TLL1: variants seen among roughly 807,000 people sequenced by gnomAD.
TLL1 encodes tolloid like 1, also known as tolloid-like protein 1.
In TLL1, 49 loss-of-function variants were observed where a neutral mutation model predicts 128.2. The observed-to-expected ratio is 0.38, with a 90% CI of 0.30 to 0.48. The LOEUF (loss-of-function observed/expected upper bound fraction) is 0.48. TLL1 is among the 20% of genes least tolerant of loss of function. TLL1 has a pLI of 0.96. For synonymous variants in TLL1, 454 were observed against 418.8 expected (o/e 1.08, Z -1.03); for missense variants, 1,123 against 1,242.0 (o/e 0.90, Z 1.44).
chr4:166,023,058 C>T (rs953806428), intron 8 of TLL1, among the ~76,000 whole-genome samples: 2 of 152,162 alleles, frequency 1.3e-5, no homozygotes, highest in African/African-American at 4.8e-5. Flanking sequence ...AGCTTTTGAG[C>T]TTTGCATGCG....
At chr4:166,021,378 T>TCTG (rs1738223785) in intron 8 of TLL1, among the ~76,000 whole-genome samples, 1 of 151,314 alleles carries the variant, frequency 6.6e-6, no homozygotes, top group African/African-American at 2.4e-5. Context: ...CCTTCCTCCC[T>TCTG]CTGCTTCCCT....
chr4:165,938,136 G>C (rs2110918135), intron 1 of TLL1, among the ~76,000 whole-genome samples: 1 of 152,084 alleles, frequency 6.6e-6, no homozygotes, highest in South Asian at 2.1e-4. Flanking sequence ...TTGAATTATA[G>C]TTTTAGTGTT....
At chr4:165,964,234 T>G (rs1171864820) in intron 1 of TLL1, among the ~76,000 whole-genome samples, 2 of 152,342 alleles carry the variant, frequency 1.3e-5, no homozygotes, top group Admixed American at 1.3e-4. Flanking sequence ...AATATCTTCA[T>G]CAGTTTTTCA....
In TLL1 at chr4:165,873,847, G is replaced by T. The variant is rs201468480; in HGVS notation, c.-58G>T. The T allele has an allele frequency of 2.5e-6, 4 of 1,602,636 alleles. No homozygotes were observed. Among genetic ancestry groups the T allele is most frequent in the Non-Finnish European group, 3.4e-6 (4 of 1,171,970 alleles). On this transcript the variant is annotated 5_prime_UTR_variant, in exon 1 of 21. Transcript: ENST00000061240. ...TGCCCCTAGCCCCGCACATCAGCGCGGACCGCGGCTGCCTAACCTCTGGGT... is the reference window on the plus strand; with the variant it reads ...TGCCCCTAGCCCCGCACATCAGCGCTGACCGCGGCTGCCTAACCTCTGGGT...
chr4:166,074,923 G>A lies in TLL1; in HGVS notation c.2234G>A (p.Cys745Tyr). 6.2e-7 allele frequency: 1 copy of A among 1,613,672 alleles called. No individual in the cohort carries two copies. Among genetic ancestry groups the A allele is most frequent in the Non-Finnish European group, 8.5e-7 (1 of 1,179,692 alleles). ...SKDNGGCQHE[C>Y]VNTMGSYMCQ... ...GATAATGGTGGATGTCAGCACGAAT[G>A]TGTCAACACGATGGGGAGCTACATG... The change falls in exon 17 of 21, where the codon TGT (cysteine) becomes TAT (tyrosine). Residue 745 changes from cysteine (C) to tyrosine (Y), a missense_variant. By Grantham distance (194) the Cys-to-Tyr change is radical (BLOSUM62 -2). Coordinates refer to ENST00000061240, the MANE Select transcript of TLL1 (RefSeq NM_012464.5).
intron 1 of TLL1, among the ~76,000 whole-genome samples, chr4:165,887,267 G>T (rs983629810): frequency 6.6e-6 from 1 of 151,880 alleles, no homozygotes; most frequent in Non-Finnish European, 1.5e-5. Flanking sequence ...TAATGAGAAA[G>T]TGGGAGGAGG....
chr4:165,912,435 C>T (rs1211255763), intron 1 of TLL1, among the ~76,000 whole-genome samples: 1 of 152,200 alleles, frequency 6.6e-6, no homozygotes, highest in Non-Finnish European at 1.5e-5. Flanking sequence ...GTTTCCTACT[C>T]AGTGTCCGTG....
intron 8 of TLL1, among the ~76,000 whole-genome samples, chr4:166,019,945 A>C (rs1738139737): frequency 6.6e-6 from 1 of 152,112 alleles, no homozygotes; most frequent in Non-Finnish European, 1.5e-5. Context: ...CTCAATACAG[A>C]AATAAGGTTA....
At chr4:166,030,705 C>A in intron 9 of TLL1, 2 of 1,153,376 alleles carry the variant, frequency 1.7e-6, no homozygotes, top group South Asian at 4.5e-5. Context: ...TGTGGATATC[C>A]AGTTTCTTCA....
At chr4:166,045,961 T>C (rs1739447112) in intron 12 of TLL1, among the ~76,000 whole-genome samples, 1 of 152,192 alleles carries the variant, frequency 6.6e-6, no homozygotes, top group Non-Finnish European at 1.5e-5. Flanking sequence ...TTTTAGTAAA[T>C]TGCACTTCCA....
chr4:165,954,076 T>C (rs922416527), intron 1 of TLL1, among the ~76,000 whole-genome samples: 3 of 152,176 alleles, frequency 2.0e-5, no homozygotes, highest in Non-Finnish European at 2.9e-5. Flanking sequence ...TTATTATGTC[T>C]TTTTTGAGAT....
chr4:165,914,886 T>A (rs1460932749), intron 1 of TLL1, among the ~76,000 whole-genome samples: 3 of 152,142 alleles, frequency 2.0e-5, no homozygotes, highest in African/African-American at 7.2e-5. Context: ...AAAAATATAA[T>A]CTAGAACAAA....
At position 166,066,771 on chromosome 4, in the gene TLL1, T is replaced by C. The variant is rs1002112512; in HGVS notation, c.2188+908T>C. 3.3e-5 allele frequency among the ~76,000 whole-genome samples: 5 copies of C among 151,782 alleles called. No individual in the cohort carries two copies. The Admixed American group carries it at 3.3e-4, about 10-fold the overall frequency. ...GTCATACAGAAAAGAGCCTCCAGAA[T>C]ACAATGGACCTCGGCTCCCGTGTTC... is the stretch of plus-strand genomic sequence containing the variant. On this transcript the variant is annotated intron_variant, in intron 16 of 20. Coordinates refer to ENST00000061240, the MANE Select transcript of TLL1 (RefSeq NM_012464.5).
At chr4:165,919,076 G>T (rs983745414) in intron 1 of TLL1, among the ~76,000 whole-genome samples, 2 of 152,050 alleles carry the variant, frequency 1.3e-5, no homozygotes, top group African/African-American at 4.8e-5. Flanking sequence ...CATATATTAG[G>T]TTTTTTGAAA....
intron 9 of TLL1, chr4:166,030,924 A>G (rs572128062): frequency 1.0e-6 from 1 of 981,568 alleles, no homozygotes; most frequent in Admixed American, 6.1e-5. Flanking sequence ...TTGGCTGCAC[A>G]TTTAACTTTG....
At chr4:165,999,232 T>C (rs1737034985) in intron 5 of TLL1, among the ~76,000 whole-genome samples, 1 of 152,134 alleles carries the variant, frequency 6.6e-6, no homozygotes, top group African/African-American at 2.4e-5. Context: ...AGTGCTCCAC[T>C]CCCAGTACTA....
chr4:165,935,832 C>G (rs1322732253), intron 1 of TLL1, among the ~76,000 whole-genome samples: 1 of 152,002 alleles, frequency 6.6e-6, no homozygotes, highest in African/African-American at 2.4e-5. Context: ...GTACTTGTAC[C>G]CTTTAACTAG....
At chr4:166,026,299 G>A (rs1738487290) in intron 9 of TLL1, among the ~76,000 whole-genome samples, 1 of 152,090 alleles carries the variant, frequency 6.6e-6, no homozygotes, top group Admixed American at 6.5e-5. Context: ...TGAGGCAGGA[G>A]AATCACTTGA....
chr4:166,027,700 A>G (rs1407284542), intron 9 of TLL1, among the ~76,000 whole-genome samples: 1 of 152,180 alleles, frequency 6.6e-6, no homozygotes, highest in Non-Finnish European at 1.5e-5. Flanking sequence ...TAAAAGATAC[A>G]AATTTTGAGA....
Sources: gnomAD v4.1 joint callset for allele counts (sites outside exome capture counted in the v4.1 genomes callset) on GRCh38, gnomAD v4.1.1 for gene constraint, MANE v1.5 for transcripts, NCBI Gene and HGNC (gene_info 2026-07-23, HGNC 2026-07-21) for gene names.